The following KLRG1 variants were observed in gnomAD, a reference collection of about 807,000 sequenced individuals.
KLRG1 encodes killer cell lectin-like receptor subfamily G member 1.
Under a neutral mutation model 21.8 loss-of-function variants are expected in KLRG1, and 16 were observed. The observed-to-expected ratio is 0.73, with a 90% CI of 0.50 to 1.11. The LOEUF (loss-of-function observed/expected upper bound fraction) is 1.11. Among genes scored for constraint, KLRG1 ranks in the 50% most tolerant of loss-of-function variants. The pLI is 0.00. For missense variants in KLRG1, 173 were observed against 218.3 expected (o/e 0.79, Z 1.31); for synonymous variants, 69 against 75.9 (o/e 0.91, Z 0.47).
the KLRG1 span, among the ~76,000 whole-genome samples, chr12:9,207,323 G>C: frequency 6.6e-6 from 1 of 152,202 alleles, no homozygotes; most frequent in Non-Finnish European, 1.5e-5. Context: ...GGACACCTCA[G>C]TGCCTATGTG....
chr12:9,087,296 T>A, the KLRG1 span, among the ~76,000 whole-genome samples: 2 of 152,180 alleles, frequency 1.3e-5, no homozygotes, highest in Non-Finnish European at 2.9e-5. Context: ...TAAAGAAAAT[T>A]TGGTATATAC....
At chr12:8,957,903 C>G (rs115951551) in intron 1 of KLRG1, among the ~76,000 whole-genome samples, 25 of 152,280 alleles carry the variant, frequency 1.6e-4, no homozygotes, top group African/African-American at 5.8e-4. Flanking sequence ...TTTCAGACCT[C>G]GGTTGACTAC....
chr12:9,203,976 A>C, the KLRG1 span: 1 of 1,573,090 alleles, frequency 6.4e-7, no homozygotes. Context: ...AGTCTAAATT[A>C]GAGAAAAACT....
chr12:9,173,301 A>G, the KLRG1 span, among the ~76,000 whole-genome samples: 3 of 152,376 alleles, frequency 2.0e-5, no homozygotes, highest in African/African-American at 7.2e-5. Context: ...ATGTACTGCA[A>G]TCTCTGGGAT....
At chr12:9,014,277 A>AGTAG (rs1555145187), downstream of KLRG1, among the ~76,000 whole-genome samples, 1 of 152,200 alleles carries the variant, frequency 6.6e-6, no homozygotes, top group African/African-American at 2.4e-5. Context: ...TAGAACACCA[A>AGTAG]GTAGACTTAA....
intron 1 of KLRG1, among the ~76,000 whole-genome samples, chr12:8,976,731 A>G (rs1308934165): frequency 1.3e-5 from 2 of 151,452 alleles, no homozygotes; most frequent in Non-Finnish European, 2.9e-5. Flanking sequence ...TCTTTAGAGG[A>G]TGTTTTTGAC....
intron 1 of KLRG1, among the ~76,000 whole-genome samples, chr12:8,957,092 C>G (rs761255624): frequency 6.6e-6 from 1 of 152,120 alleles, no homozygotes; most frequent in South Asian, 2.1e-4. Context: ...ACCAAAAAAT[C>G]CTGTGTCAAT....
the KLRG1 span, among the ~76,000 whole-genome samples, chr12:9,020,187 T>C: frequency 2.6e-5 from 4 of 152,140 alleles, no homozygotes. Flanking sequence ...TCTGGGATTA[T>C]AGGCACGAAC....
At chr12:9,046,649 A>G in the KLRG1 span, among the ~76,000 whole-genome samples, 3 of 152,230 alleles carry the variant, frequency 2.0e-5, no homozygotes, top group Non-Finnish European at 2.9e-5. Context: ...AGAATTGTAT[A>G]TTTAGGTAAA....
the KLRG1 span, chr12:9,127,967 C>A: frequency 3.2e-6 from 1 of 316,086 alleles, no homozygotes; most frequent in Non-Finnish European, 6.2e-6. Context: ...AGATTGACAC[C>A]CGCCGCCTGG....
At chr12:9,182,456 C>T in the KLRG1 span, among the ~76,000 whole-genome samples, 2 of 152,046 alleles carry the variant, frequency 1.3e-5, no homozygotes, top group African/African-American at 4.8e-5. Context: ...ACATTTCAGA[C>T]TAGAGGTGAT....
chr12:9,019,733 T>G, the KLRG1 span, among the ~76,000 whole-genome samples: 1 of 152,114 alleles, frequency 6.6e-6, no homozygotes, highest in African/African-American at 2.4e-5. Flanking sequence ...ACTGAAGAAA[T>G]TTCTGATTTC....
chr12:9,103,021 C>T, the KLRG1 span, among the ~76,000 whole-genome samples: 5 of 152,038 alleles, frequency 3.3e-5, no homozygotes, highest in Non-Finnish European at 7.4e-5. Context: ...CTACATCTCT[C>T]TTGATGAATA....
intron 3 of KLRG1, among the ~76,000 whole-genome samples, chr12:9,002,021 G>A (rs772072742): frequency 1.8e-3 from 274 of 151,730 alleles, no homozygotes; most frequent in Non-Finnish European, 1.5e-3. Context: ...ATTTTTATAC[G>A]TCTTGCATCA....
the KLRG1 span, among the ~76,000 whole-genome samples, chr12:9,161,693 A>T: frequency 1.3e-5 from 2 of 152,332 alleles, no homozygotes; most frequent in Admixed American, 1.3e-4. Context: ...ACATGAATAT[A>T]CCTTAAATTA....
the KLRG1 span, among the ~76,000 whole-genome samples, chr12:9,170,668 G>A: frequency 6.6e-6 from 1 of 152,172 alleles, no homozygotes; most frequent in Admixed American, 6.5e-5. This position sits in a 1 kb window ranked among gnomAD's most constrained non-coding sequence, Gnocchi z 4.6. Flanking sequence ...AAGGCTTGGG[G>A]AATACAGATG....
the KLRG1 span, chr12:9,098,844 A>C: frequency 6.8e-7 from 1 of 1,460,948 alleles, no homozygotes; most frequent in Non-Finnish European, 9.3e-7. Flanking sequence ...CCTCATGTAC[A>C]ATGTATAACC....
At chr12:8,983,901 C>T (rs1467431784) in intron 1 of KLRG1, among the ~76,000 whole-genome samples, 1 of 151,996 alleles carries the variant, frequency 6.6e-6, no homozygotes, top group African/African-American at 2.4e-5. Flanking sequence ...TTCTGTTTAT[C>T]TTGATGCGGA....
chr12:9,198,426 T>C, the KLRG1 span, among the ~76,000 whole-genome samples: 1 of 152,174 alleles, frequency 6.6e-6, no homozygotes, highest in Non-Finnish European at 1.5e-5. Flanking sequence ...CAAAGCTTAT[T>C]CTGTATACCA....
Sources: allele counts gnomAD v4.1 joint callset (sites outside exome capture counted in the v4.1 genomes callset), GRCh38; gene constraint gnomAD v4.1.1; non-coding constraint Gnocchi (gnomAD v3.1); transcripts MANE v1.5; gene names NCBI Gene and HGNC (gene_info 2026-07-23, HGNC 2026-07-21).